ZC3H12B: variants seen among roughly 807,000 people sequenced by gnomAD.
ZC3H12B encodes the protein probable ribonuclease ZC3H12B.
Under a neutral mutation model 43.9 loss-of-function variants are expected in ZC3H12B, and 7 were observed. The ratio of observed to expected loss-of-function variants is 0.16; its 90% CI spans 0.09 to 0.30. The LOEUF is 0.30. Ranked by LOEUF, ZC3H12B falls within the 10% of genes least tolerant of loss-of-function variation. The pLI is 1.00. For missense variants in ZC3H12B, 475 were observed against 670.2 expected, an observed-to-expected ratio of 0.71 and a Z score of 3.22; for synonymous variants, 222 against 241.7, an observed-to-expected ratio of 0.92 and a Z score of 0.76.
the ZC3H12B span, among the ~76,000 whole-genome samples, chrX:65,331,755 C>T: frequency 2.7e-5 from 3 of 110,480 alleles, no homozygotes; most frequent in East Asian, 2.8e-4. Flanking sequence ...TTCTGGGAAA[C>T]GGGTGAGCAA....
At chrX:65,260,989 T>A in the ZC3H12B span, among the ~76,000 whole-genome samples, 1 of 112,186 alleles carries the variant, frequency 8.9e-6, no homozygotes, top group Admixed American at 9.5e-5. Context: ...TTATATATTA[T>A]AAGCATTCAG....
intron 3 of ZC3H12B, among the ~76,000 whole-genome samples, chrX:65,446,894 T>C (rs1319390334): frequency 8.9e-6 from 1 of 112,233 alleles, no homozygotes; most frequent in Non-Finnish European, 1.9e-5. Flanking sequence ...GTTGCTGTGT[T>C]GTGGAGACAA....
intron 3 of ZC3H12B, among the ~76,000 whole-genome samples, chrX:65,456,422 C>T (rs1602475739): frequency 1.9e-5 from 1 of 53,962 alleles, no homozygotes; most frequent in South Asian, 2.4e-3. Flanking sequence ...TCTCCCTCTC[C>T]CTCTCCCTCT....
chrX:65,061,849 G>A, the ZC3H12B span, among the ~76,000 whole-genome samples: 1 of 112,057 alleles, frequency 8.9e-6, no homozygotes, highest in East Asian at 2.8e-4. Context: ...ACTCTTTAAT[G>A]ATCGCCATTC....
chrX:65,384,170 C>T (rs1473815549), intron 2 of ZC3H12B, among the ~76,000 whole-genome samples: 17 of 101,238 alleles, frequency 1.7e-4, no homozygotes, highest in African/African-American at 4.3e-4. Flanking sequence ...ACATATACAC[C>T]ATGGAATACT....
chrX:65,223,551 G>T, the ZC3H12B span, among the ~76,000 whole-genome samples: 24 of 112,649 alleles, frequency 2.1e-4, 1 homozygote, highest in African/African-American at 7.7e-4. Context: ...CAGAGTGGGA[G>T]AAAGTTTTTG....
the ZC3H12B span, among the ~76,000 whole-genome samples, chrX:65,296,185 T>C: frequency 8.9e-6 from 1 of 111,785 alleles, no homozygotes; most frequent in Non-Finnish European, 1.9e-5. Context: ...GGCATAAAAA[T>C]GAATGAAATA....
the ZC3H12B span, among the ~76,000 whole-genome samples, chrX:65,360,091 A>C: frequency 8.9e-6 from 1 of 112,226 alleles, no homozygotes; most frequent in Non-Finnish European, 1.9e-5. Context: ...GCAATAAAAT[A>C]TTTTCAAAAA....
At chrX:65,310,292 C>A in the ZC3H12B span, among the ~76,000 whole-genome samples, 4 of 112,119 alleles carry the variant, frequency 3.6e-5, no homozygotes, top group Non-Finnish European at 5.6e-5. Context: ...TGATAAGCAA[C>A]TTCAGCAAAG....
At chrX:65,488,218 G>A (rs1469803956), upstream of ZC3H12B, among the ~76,000 whole-genome samples, 2 of 110,764 alleles carry the variant, frequency 1.8e-5, no homozygotes, top group Non-Finnish European at 3.8e-5. Context: ...AGAAGGATAT[G>A]GTGTGGGATC....
chrX:65,251,085 C>T, the ZC3H12B span, among the ~76,000 whole-genome samples: 1 of 111,676 alleles, frequency 9.0e-6, no homozygotes, highest in Non-Finnish European at 1.9e-5. Flanking sequence ...AACATTTAAT[C>T]CTTTAATATA....
intron 2 of ZC3H12B, among the ~76,000 whole-genome samples, chrX:65,388,514 G>T (rs2066563517): frequency 9.0e-6 from 1 of 111,463 alleles, no homozygotes; most frequent in African/African-American, 3.3e-5. Flanking sequence ...GGACTTCTCT[G>T]CATTGGTTAT....
exon 1 of ZC3H12B, chrX:65,489,221 T>C (rs2068170655): frequency 8.3e-7 from 1 of 1,211,573 alleles, no homozygotes; most frequent in Non-Finnish European, 1.1e-6. Context: ...TTATTAATGA[T>C]GTATTGGCAG....
At chrX:65,324,773 C>A in the ZC3H12B span, among the ~76,000 whole-genome samples, 1 of 110,416 alleles carries the variant, frequency 9.1e-6, no homozygotes, top group Non-Finnish European at 1.9e-5. Flanking sequence ...GTATTCTAGT[C>A]CTGCTTGATG....
At chrX:65,373,661 T>C (rs1423215146) in intron 2 of ZC3H12B, among the ~76,000 whole-genome samples, 2 of 97,755 alleles carry the variant, frequency 2.0e-5, no homozygotes, top group Non-Finnish European at 4.0e-5. Context: ...AAACACTGAA[T>C]GTTCTCACTC....
chrX:65,274,374 C>T, the ZC3H12B span, among the ~76,000 whole-genome samples: 5 of 110,531 alleles, frequency 4.5e-5, no homozygotes, highest in Non-Finnish European at 9.4e-5. Flanking sequence ...GTAGCCTGCT[C>T]TAGGGGCCAG....
At chrX:65,212,539 T>C in the ZC3H12B span, among the ~76,000 whole-genome samples, 6 of 75,725 alleles carry the variant, frequency 7.9e-5, no homozygotes, top group Admixed American at 2.1e-4. Context: ...ACATATAATG[T>C]ATATTTATAT....
chrX:65,317,758 TACAC>T, the ZC3H12B span, among the ~76,000 whole-genome samples: 2 of 102,865 alleles, frequency 1.9e-5, no homozygotes, highest in Admixed American at 2.1e-4. Context: ...TGTGTGTGTA[TACAC>T]ACACACACTA....
the ZC3H12B span, among the ~76,000 whole-genome samples, chrX:65,170,393 C>G: frequency 8.9e-6 from 1 of 111,837 alleles, no homozygotes; most frequent in African/African-American, 3.2e-5. Flanking sequence ...GAGTTTCTGC[C>G]GAGAGATCTG....
Sources: gnomAD v4.1 joint callset for allele counts (sites outside exome capture counted in the v4.1 genomes callset) on GRCh38, gnomAD v4.1.1 for gene constraint, MANE v1.5 for transcripts, NCBI Gene and HGNC (gene_info 2026-07-23, HGNC 2026-07-21) for gene names.